The following SOX5 variants were observed in gnomAD, a reference collection of about 807,000 sequenced individuals.
SOX5 encodes SRY-box transcription factor 5.
A neutral mutation model predicts 92.0 loss-of-function variants in SOX5; 9 were observed. The ratio of observed to expected loss-of-function variants is 0.10; its 90% CI spans 0.06 to 0.17. The LOEUF is 0.17. SOX5 is among the 10% of genes least tolerant of loss of function. The probability of loss-of-function intolerance (pLI) is 1.00; values close to 1 mark genes in which losing one functional copy is unlikely to be tolerated. For missense variants in SOX5, 642 were observed against 944.5 expected (o/e 0.68, Z 4.20); for synonymous variants, 344 against 336.3 (o/e 1.02, Z -0.25).
At chr12:23,822,216 G>C (rs1473119189) in intron 3 of SOX5, among the ~76,000 whole-genome samples, 1 of 152,126 alleles carries the variant, frequency 6.6e-6, no homozygotes, top group East Asian at 1.9e-4. Context: ...TGTGATGTTA[G>C]GTTGTTGACT....
intron 2 of SOX5, among the ~76,000 whole-genome samples, chr12:23,889,153 A>C (rs951581410): frequency 1.3e-5 from 2 of 152,198 alleles, no homozygotes; most frequent in African/African-American, 4.8e-5. Context: ...TGCTCTCCCT[A>C]AACAATGAAA....
chr12:23,659,673 C>T (rs574276375), intron 7 of SOX5, among the ~76,000 whole-genome samples: 2 of 152,196 alleles, frequency 1.3e-5, no homozygotes, highest in African/African-American at 4.8e-5. Context: ...AAAACAACAA[C>T]AGAAAAAGTT....
chr12:24,281,217 G>A (rs568666826), intron 2 of SOX5, among the ~76,000 whole-genome samples: 20 of 144,816 alleles, frequency 1.4e-4, no homozygotes, highest in African/African-American at 4.4e-4. Context: ...AAATCTATAC[G>A]GTTATAAAAT....
In SOX5 at chr12:24,386,589, T is replaced by G. The variant is rs57733936; in HGVS notation, c.-250-17950A>C. On this transcript the variant is annotated intron_variant, in intron 1 of 4. Coordinates refer to the SOX5 transcript ENST00000446891. Reference sequence around the variant, plus strand: ...CATAAATATATGAAATTGGCAAGAATTGAGAAATCTGTACTCCTGGGTACT... The same window carrying G: ...CATAAATATATGAAATTGGCAAGAAGTGAGAAATCTGTACTCCTGGGTACT... Among the ~76,000 whole-genome samples, 4 of 152,248 alleles carry G rather than the reference T, an allele frequency of 2.6e-5. No individual in the cohort carries two copies. In the South Asian group the frequency reaches 8.3e-4, roughly 32 times the overall value.
intron 6 of SOX5, among the ~76,000 whole-genome samples, chr12:23,670,415 C>CT (rs2084577611): frequency 6.6e-6 from 1 of 152,094 alleles, no homozygotes; most frequent in Non-Finnish European, 1.5e-5. Context: ...GAAGCAAAGG[C>CT]TTTTTTTCAG....
chr12:23,723,442 A>G (rs2092931672), intron 6 of SOX5, among the ~76,000 whole-genome samples: 1 of 152,020 alleles, frequency 6.6e-6, no homozygotes, highest in African/African-American at 2.4e-5. Flanking sequence ...ACGAGTGGCT[A>G]TGTCAGACAA....
At chr12:23,539,519 G>A (rs1216254948) in intron 13 of SOX5, among the ~76,000 whole-genome samples, 1 of 151,102 alleles carries the variant, frequency 6.6e-6, no homozygotes, top group Non-Finnish European at 1.5e-5. Context: ...ACAAAGAGAA[G>A]AGCATCCTAT....
chr12:24,006,919 A>C (rs868116431), intron 4 of SOX5, among the ~76,000 whole-genome samples: 3 of 151,830 alleles, frequency 2.0e-5, no homozygotes, highest in African/African-American at 4.8e-5. Context: ...GGATCACCTG[A>C]GGTCAGGAAT....
chr12:23,903,582 C>CA (rs920771770), intron 1 of SOX5, among the ~76,000 whole-genome samples: 7 of 151,650 alleles, frequency 4.6e-5, no homozygotes, highest in African/African-American at 1.2e-4. Flanking sequence ...GACCCTGTCT[C>CA]AAAAAAAACT....
intron 4 of SOX5, among the ~76,000 whole-genome samples, chr12:24,174,170 G>A (rs937792453): frequency 1.3e-5 from 2 of 151,878 alleles, no homozygotes; most frequent in African/African-American, 4.8e-5. Flanking sequence ...GTTAATTTTT[G>A]TATTTTTAGT....
intron 4 of SOX5, among the ~76,000 whole-genome samples, chr12:24,037,099 AG>A: frequency 6.6e-6 from 1 of 152,312 alleles, no homozygotes; most frequent in Non-Finnish European, 1.5e-5. Context: ...AGGACACCAC[AG>A]GCACTCTTCA....
intron 4 of SOX5, among the ~76,000 whole-genome samples, chr12:24,004,057 C>A (rs953148993): frequency 6.6e-6 from 1 of 151,942 alleles, no homozygotes; most frequent in Non-Finnish European, 1.5e-5. Flanking sequence ...TGAGAAAGGA[C>A]AGTCTTTTTA....
At chr12:23,883,079 GC>G (rs756763531) in intron 2 of SOX5, among the ~76,000 whole-genome samples, 1 of 151,924 alleles carries the variant, frequency 6.6e-6, no homozygotes, top group Non-Finnish European at 1.5e-5. Context: ...TACTCAGGAG[GC>G]TGCGGCAGGA....
intron 1 of SOX5, among the ~76,000 whole-genome samples, chr12:24,425,315 A>G (rs376646957): frequency 1.3e-5 from 2 of 152,180 alleles, no homozygotes; most frequent in South Asian, 2.1e-4. Context: ...TACTCAACAC[A>G]CAACTAAGTT....
intron 4 of SOX5, among the ~76,000 whole-genome samples, chr12:24,198,502 T>C (rs1957217978): frequency 6.6e-6 from 1 of 152,204 alleles, no homozygotes; most frequent in Non-Finnish European, 1.5e-5. Context: ...GTGAACTCAC[T>C]GTAAGCCCAG....
At chr12:24,345,095 C>T (rs1423549700) in intron 2 of SOX5, among the ~76,000 whole-genome samples, 2 of 152,136 alleles carry the variant, frequency 1.3e-5, no homozygotes, top group African/African-American at 2.4e-5. Context: ...CAGTCATACT[C>T]CTGAGGATAT....
intron 1 of SOX5, among the ~76,000 whole-genome samples, chr12:24,540,989 T>C (rs12825024): frequency 0.1 from 15,513 of 152,178 alleles, 939 homozygotes; most frequent in Non-Finnish European, 0.14. Context: ...TTTTAATCTT[T>C]CAAAAAATAT....
intron 1 of SOX5, among the ~76,000 whole-genome samples, chr12:23,945,598 C>T (rs535312341): frequency 5.3e-5 from 8 of 152,214 alleles, no homozygotes; most frequent in South Asian, 2.1e-4. Flanking sequence ...ATTATTGACA[C>T]GGTAATTAAA....
chr12:23,763,484 T>C (rs1291575838), intron 3 of SOX5, among the ~76,000 whole-genome samples: 1 of 152,140 alleles, frequency 6.6e-6, no homozygotes, highest in Non-Finnish European at 1.5e-5. Context: ...CTACTATTAA[T>C]GTATTTGGTT....
Sources: allele counts gnomAD v4.1 joint callset (sites outside exome capture counted in the v4.1 genomes callset), GRCh38; gene constraint gnomAD v4.1.1; transcripts MANE v1.5; gene names NCBI Gene and HGNC (gene_info 2026-07-23, HGNC 2026-07-21).